DOCK1: variants seen among roughly 807,000 people sequenced by gnomAD.
DOCK1 encodes the protein dedicator of cytokinesis 1.
In DOCK1, 138 loss-of-function variants were observed where a neutral mutation model predicts 262.7. The observed-to-expected ratio is 0.53, with a 90% confidence interval of 0.46 to 0.61. The LOEUF (loss-of-function observed/expected upper bound fraction) is 0.61, where lower values mean the gene tolerates loss of function less well. Among genes scored for constraint, DOCK1 ranks in the 20% least tolerant of loss-of-function variants. The pLI is 0.00. For synonymous variants in DOCK1, 866 were observed against 867.4 expected, an observed-to-expected ratio of 1.00 and a Z score of 0.03; for missense variants, 1,908 against 2,370.7, an observed-to-expected ratio of 0.80 and a Z score of 4.05.
chr10:127,402,222 CA>C (rs1277044107), intron 38 of DOCK1, among the ~76,000 whole-genome samples: 1 of 151,962 alleles, frequency 6.6e-6, no homozygotes, highest in Non-Finnish European at 1.5e-5. Context: ...AGTACCTTAC[CA>C]AAAGTTTTGA....
chr10:127,309,644 C>T (rs903549469), intron 29 of DOCK1, among the ~76,000 whole-genome samples: 5 of 152,018 alleles, frequency 3.3e-5, no homozygotes, highest in Admixed American at 6.6e-5. Flanking sequence ...ATCCAGTTTC[C>T]GTTTTCTGCA....
Position 127,279,485 on chromosome 10 carries a change from C to T in DOCK1, c.3044+22056C>T, listed in dbSNP as rs1167707224. 2.0e-5 allele frequency among the ~76,000 whole-genome samples: 3 copies of T among 152,202 alleles called. No individual in the cohort carries two copies. In the East Asian group the frequency reaches 5.8e-4, roughly 29 times the overall value. Reference sequence around the variant, plus strand: ...GTATAGACAAAGGCATGAGGTCATCCAATAAGGTAATCGCTTGGAGAAACA... The same window carrying T: ...GTATAGACAAAGGCATGAGGTCATCTAATAAGGTAATCGCTTGGAGAAACA... On this transcript the variant is annotated intron_variant, in intron 29 of 51. Transcript: ENST00000623213.
At chr10:127,133,642 A>G (rs907764496) in intron 27 of DOCK1, among the ~76,000 whole-genome samples, 3 of 152,222 alleles carry the variant, frequency 2.0e-5, no homozygotes, top group African/African-American at 4.8e-5. Flanking sequence ...AGTAAAAACC[A>G]CATTGTTGAA....
chr10:127,321,414 T>A, intron 29 of DOCK1, among the ~76,000 whole-genome samples: 1 of 150,144 alleles, frequency 6.7e-6, no homozygotes, highest in East Asian at 2.0e-4. Flanking sequence ...TCCAAGGCTC[T>A]TTTCTCAGCC....
chr10:127,145,910 G>A (rs1564839507), intron 27 of DOCK1: 1 of 484,848 alleles, frequency 2.1e-6, no homozygotes, highest in East Asian at 5.8e-5. Context: ...GTCAGCCTGT[G>A]CATTCCTGCA....
intron 8 of DOCK1, 112 bp from the exon 9 acceptor site, chr10:126,999,242 T>C: frequency 1.4e-6 from 1 of 739,294 alleles, no homozygotes; most frequent in Non-Finnish European, 2.2e-6. Context: ...ATAAACTCAA[T>C]AGTTGTCTGT....
intron 23 of DOCK1, among the ~76,000 whole-genome samples, chr10:127,104,141 G>A (rs901768626): frequency 1.3e-5 from 2 of 152,104 alleles, no homozygotes; most frequent in African/African-American, 2.4e-5. Context: ...TCATTATTGA[G>A]TTTTAAGGGT....
At chr10:126,907,050 G>A (rs1173023267) in intron 1 of DOCK1, among the ~76,000 whole-genome samples, 1 of 152,230 alleles carries the variant, frequency 6.6e-6, no homozygotes, top group Admixed American at 6.5e-5. Context: ...TGCAGACTCA[G>A]TGTGTAACCT....
chr10:127,023,959 G>A (rs1048008658), intron 14 of DOCK1, among the ~76,000 whole-genome samples: 4 of 152,190 alleles, frequency 2.6e-5, no homozygotes, highest in African/African-American at 9.6e-5. Context: ...GACAGCCAGA[G>A]CTCTGACCTC....
chr10:127,075,036 G>C (rs1450808225), intron 23 of DOCK1, among the ~76,000 whole-genome samples: 1 of 151,908 alleles, frequency 6.6e-6, no homozygotes, highest in Non-Finnish European at 1.5e-5. Context: ...GGGCTTGGTG[G>C]TGCATGCCTG....
At chr10:127,258,910 G>A (rs969224420) in intron 29 of DOCK1, among the ~76,000 whole-genome samples, 3 of 152,096 alleles carry the variant, frequency 2.0e-5, no homozygotes, top group South Asian at 2.1e-4. Context: ...CCTTCCCTTC[G>A]ACAAATCCAA....
chr10:127,334,180 G>A (rs2063101324), intron 29 of DOCK1, among the ~76,000 whole-genome samples: 1 of 152,014 alleles, frequency 6.6e-6, no homozygotes, highest in African/African-American at 2.4e-5. Flanking sequence ...CTCATTTCTT[G>A]GTGGTGTTGA....
At position 127,243,150 on chromosome 10, in the gene DOCK1, A is replaced by G. The variant is rs546941137; in HGVS notation, c.2848-4858A>G. ...TTTTATACCCTGCTATCCAAGTCAC[A>G]TGGCTAAGTCCATTTTTATTACACC... On this transcript the variant is annotated intron_variant, in intron 27 of 51. Coordinates refer to ENST00000623213, the MANE Select transcript of DOCK1 (RefSeq NM_001290223.2). 3.9e-5 allele frequency among the ~76,000 whole-genome samples: 6 copies of G among 152,318 alleles called. 1 individual carries two copies. In the East Asian group the frequency reaches 1.2e-3, roughly 29 times the overall value.
At chr10:127,096,368 G>C (rs2047911027) in intron 23 of DOCK1, among the ~76,000 whole-genome samples, 1 of 152,106 alleles carries the variant, frequency 6.6e-6, no homozygotes, top group Non-Finnish European at 1.5e-5. Context: ...TTTTCCGGAG[G>C]CTGTTTGGCT....
chr10:127,421,417 G>A (rs11018008), intron 46 of DOCK1, among the ~76,000 whole-genome samples: 84,658 of 152,018 alleles, frequency 0.56, 25,616 homozygotes, highest in African/African-American at 0.8. Flanking sequence ...ATACTGATAT[G>A]TAAACATAAT....
chr10:127,296,182 C>A (rs140960145), intron 29 of DOCK1, among the ~76,000 whole-genome samples: 74 of 152,318 alleles, frequency 4.9e-4, no homozygotes, highest in African/African-American at 1.7e-3. Context: ...CCTGACTGTG[C>A]CGCATGCCAT....
At chr10:127,394,352 TA>T (rs34284692) in intron 38 of DOCK1, among the ~76,000 whole-genome samples, 45,555 of 132,858 alleles carry the variant, frequency 0.34, 7,433 homozygotes, top group Non-Finnish European at 0.39. Flanking sequence ...TGCACCAATG[TA>T]AAAAAAAAAA....
chr10:127,427,826 C>G (rs1454314881), intron 47 of DOCK1, among the ~76,000 whole-genome samples: 1 of 152,248 alleles, frequency 6.6e-6, no homozygotes, highest in East Asian at 1.9e-4. Flanking sequence ...TTGGTGCCTC[C>G]AAGCCTAGGA....
At chr10:126,954,041 G>C (rs1241009151) in intron 1 of DOCK1, among the ~76,000 whole-genome samples, 1 of 152,200 alleles carries the variant, frequency 6.6e-6, no homozygotes, top group Non-Finnish European at 1.5e-5. Context: ...CTTTATCCTT[G>C]TGTGCTTTCG....
Sources: allele counts gnomAD v4.1 joint callset (sites outside exome capture counted in the v4.1 genomes callset), GRCh38; gene constraint gnomAD v4.1.1; transcripts MANE v1.5; gene names NCBI Gene and HGNC (gene_info 2026-07-23, HGNC 2026-07-21).